The following DNM3 variants were observed in gnomAD, a reference collection of about 807,000 sequenced individuals.
DNM3 encodes the protein dynamin 3.
Under a neutral mutation model 101.6 loss-of-function variants are expected in DNM3, and 47 were observed. That is an observed-to-expected ratio of 0.46 (90% confidence interval 0.37 to 0.59). The LOEUF is 0.59. Among genes scored for constraint, DNM3 ranks in the 20% least tolerant of loss-of-function variants. The probability of loss-of-function intolerance (pLI) is 0.00; values close to 1 mark genes in which losing one functional copy is unlikely to be tolerated. For synonymous variants in DNM3, 385 were observed against 387.9 expected, an observed-to-expected ratio of 0.99 and a Z score of 0.09; for missense variants, 849 against 1,085.7, an observed-to-expected ratio of 0.78 and a Z score of 3.06.
At chr1:172,059,215 C>A (rs1328576886) in intron 10 of DNM3, among the ~76,000 whole-genome samples, 1 of 145,492 alleles carries the variant, frequency 6.9e-6, no homozygotes, top group East Asian at 2.1e-4. Flanking sequence ...AGCTTACCAA[C>A]CAAAAAGAGT....
At chr1:172,048,465 T>G (rs1424624659) in intron 9 of DNM3, 147 bp from the exon 10 acceptor site, 1 of 831,936 alleles carries the variant, frequency 1.2e-6, no homozygotes, top group Non-Finnish European at 1.8e-6. Flanking sequence ...ATGTGCCACA[T>G]AAACATTTTG....
At chr1:172,046,191 G>A (rs1302742989) in intron 9 of DNM3, among the ~76,000 whole-genome samples, 1 of 152,076 alleles carries the variant, frequency 6.6e-6, no homozygotes, top group East Asian at 1.9e-4. Flanking sequence ...TTAAGAAAAT[G>A]TGGCACATAT....
At chr1:171,997,973 A>G (rs1457659092) in intron 4 of DNM3, among the ~76,000 whole-genome samples, 1 of 152,166 alleles carries the variant, frequency 6.6e-6, no homozygotes, top group Non-Finnish European at 1.5e-5. Context: ...TAATAACACC[A>G]TGTGCATATG....
intron 4 of DNM3, among the ~76,000 whole-genome samples, chr1:171,989,488 C>A (rs2045495723): frequency 6.6e-6 from 1 of 152,020 alleles, no homozygotes; most frequent in South Asian, 2.1e-4. Context: ...AGAATTCAGA[C>A]AATCTACTAA....
intron 14 of DNM3, among the ~76,000 whole-genome samples, chr1:172,250,050 G>A (rs1330685228): frequency 1.3e-5 from 2 of 152,052 alleles, no homozygotes; most frequent in Non-Finnish European, 2.9e-5. Flanking sequence ...AATTCCAAAT[G>A]AGCAACGTTC....
intron 2 of DNM3, among the ~76,000 whole-genome samples, chr1:171,957,364 A>AT (rs1364783178): frequency 3.3e-5 from 5 of 151,724 alleles, no homozygotes; most frequent in South Asian, 4.2e-4. Flanking sequence ...CACTCGGCTA[A>AT]TTTTTTGTAT....
chr1:172,240,111 A>G (rs1402644744), intron 14 of DNM3, among the ~76,000 whole-genome samples: 1 of 152,108 alleles, frequency 6.6e-6, no homozygotes, highest in Non-Finnish European at 1.5e-5. Context: ...TACAAAGGGC[A>G]TGGTGCCCAG....
At chr1:172,316,263 G>A (rs190919378) in intron 16 of DNM3, among the ~76,000 whole-genome samples, 58 of 151,924 alleles carry the variant, frequency 3.8e-4, no homozygotes, top group Non-Finnish European at 6.5e-4. Flanking sequence ...AGGAAAAACC[G>A]GTACCAGCCA....
chr1:172,193,366 TG>T (rs1465332700), intron 14 of DNM3, among the ~76,000 whole-genome samples: 1 of 152,188 alleles, frequency 6.6e-6, no homozygotes, highest in African/African-American at 2.4e-5. Flanking sequence ...AGGATGATGT[TG>T]GCCTCATAAA....
chr1:172,337,473 G>A (rs1232497808), intron 17 of DNM3, among the ~76,000 whole-genome samples: 1 of 152,174 alleles, frequency 6.6e-6, no homozygotes, highest in Non-Finnish European at 1.5e-5. Flanking sequence ...AAGTTACATT[G>A]TGTTCTGCAT....
At chr1:172,370,890 C>T (rs1240476620) in intron 17 of DNM3, among the ~76,000 whole-genome samples, 1 of 151,904 alleles carries the variant, frequency 6.6e-6, no homozygotes, top group African/African-American at 2.4e-5. Flanking sequence ...GTCTGCCTTC[C>T]TAGGAACATT....
chr1:172,157,636 C>T (rs1036238383), intron 14 of DNM3, among the ~76,000 whole-genome samples: 1 of 152,002 alleles, frequency 6.6e-6, no homozygotes, highest in Non-Finnish European at 1.5e-5. Flanking sequence ...TGAACATGTA[C>T]AGGCTTTCTT....
intron 16 of DNM3, among the ~76,000 whole-genome samples, chr1:172,321,449 T>C (rs2065713148): frequency 6.6e-6 from 1 of 152,210 alleles, no homozygotes; most frequent in Non-Finnish European, 1.5e-5. Flanking sequence ...GATCTAAACA[T>C]AAATTGCTGC....
At chr1:172,255,639 A>G (rs1391960451) in intron 15 of DNM3, among the ~76,000 whole-genome samples, 1 of 152,164 alleles carries the variant, frequency 6.6e-6, no homozygotes. Context: ...CTAAAAAGGT[A>G]TTGAATTCTG....
chr1:172,317,793 C>T (rs943924190), intron 16 of DNM3, among the ~76,000 whole-genome samples: 12 of 152,144 alleles, frequency 7.9e-5, no homozygotes, highest in Non-Finnish European at 7.3e-5. Flanking sequence ...GATTCACAGC[C>T]GAATTCTACC....
chr1:172,297,875 A>T (rs561094362), intron 15 of DNM3, among the ~76,000 whole-genome samples: 7 of 152,012 alleles, frequency 4.6e-5, no homozygotes, highest in African/African-American at 9.7e-5. Flanking sequence ...GCTTCTTTTT[A>T]AAAAAATATG....
At chr1:172,127,275 G>A (rs1171313413) in intron 13 of DNM3, among the ~76,000 whole-genome samples, 1 of 151,962 alleles carries the variant, frequency 6.6e-6, no homozygotes, top group East Asian at 1.9e-4. Context: ...ACAAGATGAG[G>A]CAGCTTTATT....
intron 10 of DNM3, among the ~76,000 whole-genome samples, chr1:172,055,019 G>A (rs902111306): frequency 7.5e-6 from 1 of 133,768 alleles, no homozygotes; most frequent in African/African-American, 2.9e-5. Flanking sequence ...ATTAAGAAGT[G>A]CTGTTAGAAG....
chr1:172,174,205 C>T (rs2059071336), intron 14 of DNM3, among the ~76,000 whole-genome samples: 2 of 151,558 alleles, frequency 1.3e-5, no homozygotes, highest in East Asian at 1.9e-4. Flanking sequence ...CTTAAAAGTA[C>T]AGTAGCCGAA....
Sources: allele counts gnomAD v4.1 joint callset (sites outside exome capture counted in the v4.1 genomes callset), GRCh38; gene constraint gnomAD v4.1.1; transcripts MANE v1.5; gene names NCBI Gene and HGNC (gene_info 2026-07-23, HGNC 2026-07-21).